The following FHIT variants were observed in gnomAD, a reference collection of about 807,000 sequenced individuals.
The protein encoded by FHIT is fragile histidine triad diadenosine triphosphatase, also known as bis(5'-adenosyl)-triphosphatase.
FHIT carries 19 observed loss-of-function variants against 17.9 expected under a neutral mutation model. The observed-to-expected ratio is 1.06, with a 90% CI of 0.74 to 1.56. The LOEUF (loss-of-function observed/expected upper bound fraction) is 1.56. Ranked by LOEUF, FHIT falls within the 40% of genes most tolerant of loss-of-function variation. The pLI is 0.00. For missense variants in FHIT, 248 were observed against 189.2 expected (o/e 1.31, Z -1.82); for synonymous variants, 81 against 69.7 (o/e 1.16, Z -0.81).
chr3:61,063,086 G>A (rs1219186596), intron 2 of FHIT, among the ~76,000 whole-genome samples: 1 of 151,614 alleles, frequency 6.6e-6, no homozygotes, highest in Non-Finnish European at 1.5e-5. Context: ...GGTGAAACCT[G>A]GTCTCTACTA....
chr3:60,944,051 T>A lies in FHIT; in HGVS notation c.-111+97996A>T, dbSNP rs374680458. Among the ~76,000 whole-genome samples the A allele has an allele frequency of 5.8e-4, 89 of 152,240 alleles. No individual in the cohort carries two copies. The East Asian group carries it at 0.01, about 18-fold the overall frequency. ...AGTCTCTCACCTGTTACCTTGACAA[T>A]TGAATTAGTATCTTTTCTCTCCCTG... On this transcript the variant is annotated intron_variant, in intron 3 of 9. Coordinates refer to ENST00000492590, the MANE Select transcript of FHIT (RefSeq NM_002012.4).
intron 4 of FHIT, among the ~76,000 whole-genome samples, chr3:60,642,749 T>C (rs1346079678): frequency 6.6e-6 from 1 of 152,046 alleles, no homozygotes; most frequent in East Asian, 1.9e-4. Context: ...TCCAGGGGTA[T>C]GTGGTCCTCT....
chr3:60,541,517 G>A (rs937826638), intron 4 of FHIT, among the ~76,000 whole-genome samples: 4 of 152,116 alleles, frequency 2.6e-5, no homozygotes, highest in Admixed American at 6.6e-5. Context: ...TGGTTCTAGG[G>A]ATGGGCAAGT....
chr3:60,153,626 A>G (rs954689953), intron 5 of FHIT, among the ~76,000 whole-genome samples: 1 of 152,204 alleles, frequency 6.6e-6, no homozygotes, highest in Non-Finnish European at 1.5e-5. Context: ...AGGGACACCA[A>G]TCCAGATAGA....
At chr3:61,015,928 C>A (rs1010018658) in intron 3 of FHIT, among the ~76,000 whole-genome samples, 1 of 152,154 alleles carries the variant, frequency 6.6e-6, no homozygotes, top group Non-Finnish European at 1.5e-5. Flanking sequence ...TCTTTTACTT[C>A]CTTTTTAAAA....
chr3:60,575,790 G>A (rs1027920295), intron 4 of FHIT, among the ~76,000 whole-genome samples: 2 of 152,120 alleles, frequency 1.3e-5, no homozygotes, highest in African/African-American at 4.8e-5. Context: ...GAAGAGTTGT[G>A]AATGAAAGTA....
At chr3:60,065,630 A>C (rs1702467547) in intron 5 of FHIT, among the ~76,000 whole-genome samples, 1 of 152,216 alleles carries the variant, frequency 6.6e-6, no homozygotes, top group Admixed American at 6.5e-5. Flanking sequence ...CTAATCAGTT[A>C]GAGGCAAGAT....
rs139061662 is a variant in FHIT, at chr3:59,946,155, C to T, written c.280-23741G>A. The stretch of plus-strand genomic sequence containing the variant: ...TAACAGTATTGATTCTTCCTATCCA[C>T]GAGCATGGAATGTTTCTCCATTTGT... On this transcript the variant is annotated intron_variant, in intron 7 of 9. Transcript: ENST00000492590. Among the ~76,000 whole-genome samples, 27 of 152,234 alleles carry T rather than the reference C, an allele frequency of 1.8e-4. 1 individual carries two copies. The East Asian group carries it at 4.4e-3, about 25-fold the overall frequency.
chr3:60,284,639 A>G (rs573542019), intron 5 of FHIT, among the ~76,000 whole-genome samples: 8 of 152,246 alleles, frequency 5.3e-5, no homozygotes, highest in African/African-American at 1.9e-4. Flanking sequence ...GTTTCTGAGT[A>G]ATCTGAAGAA....
At chr3:61,041,332 A>G (rs1410500725) in intron 3 of FHIT, among the ~76,000 whole-genome samples, 11 of 152,074 alleles carry the variant, frequency 7.2e-5, no homozygotes, top group East Asian at 1.9e-4. Flanking sequence ...AGCTGAGATC[A>G]CGCCACTGCA....
intron 1 of FHIT, among the ~76,000 whole-genome samples, chr3:61,210,364 T>A (rs1424750377): frequency 6.6e-6 from 1 of 152,206 alleles, no homozygotes; most frequent in Admixed American, 6.5e-5. Context: ...TCTGCAGAGG[T>A]TACTGCTGCC....
At chr3:60,136,650 C>T (rs1278155567) in intron 5 of FHIT, among the ~76,000 whole-genome samples, 1 of 109,868 alleles carries the variant, frequency 9.1e-6, no homozygotes, top group Non-Finnish European at 1.7e-5. Context: ...TGCTTCCTTA[C>T]CTTACCTTAC....
At chr3:60,375,663 G>A (rs558202586) in intron 5 of FHIT, among the ~76,000 whole-genome samples, 1 of 152,232 alleles carries the variant, frequency 6.6e-6, no homozygotes, top group East Asian at 1.9e-4. Context: ...ATTCTGTGAA[G>A]ACAACTGGTT....
At chr3:60,644,703 C>T (rs1268373253) in intron 4 of FHIT, among the ~76,000 whole-genome samples, 1 of 152,308 alleles carries the variant, frequency 6.6e-6, no homozygotes, top group South Asian at 2.1e-4. Context: ...ATGGGCAGTT[C>T]TAAAACAACT....
At chr3:60,946,922 G>A (rs1274644816) in intron 3 of FHIT, among the ~76,000 whole-genome samples, 1 of 152,214 alleles carries the variant, frequency 6.6e-6, no homozygotes, top group Non-Finnish European at 1.5e-5. Flanking sequence ...CTTAGCCCTT[G>A]AAACGAGGCC....
intron 3 of FHIT, among the ~76,000 whole-genome samples, chr3:61,028,937 T>A (rs1404933394): frequency 6.7e-6 from 1 of 150,180 alleles, no homozygotes; most frequent in Non-Finnish European, 1.5e-5. Context: ...AGGGGCCCAC[T>A]TAGTAGTCCT....
intron 5 of FHIT, among the ~76,000 whole-genome samples, chr3:60,442,388 G>A (rs1001496017): frequency 1.3e-5 from 2 of 152,058 alleles, no homozygotes; most frequent in African/African-American, 4.8e-5. Flanking sequence ...TTTTCTTCTA[G>A]GGTTTTTATG....
chr3:60,227,905 T>C (rs897687367), intron 5 of FHIT, among the ~76,000 whole-genome samples: 2 of 152,196 alleles, frequency 1.3e-5, no homozygotes, highest in Non-Finnish European at 2.9e-5. Flanking sequence ...ATGGATTTTA[T>C]CAAAAAGTGA....
chr3:60,734,512 C>T (rs1553712091), intron 4 of FHIT, among the ~76,000 whole-genome samples: 1 of 152,178 alleles, frequency 6.6e-6, no homozygotes. Context: ...AGAAGGTCCT[C>T]CCACCTCAGC....
Sources: gnomAD v4.1 joint callset for allele counts (sites outside exome capture counted in the v4.1 genomes callset) on GRCh38, gnomAD v4.1.1 for gene constraint, MANE v1.5 for transcripts, NCBI Gene and HGNC (gene_info 2026-07-23, HGNC 2026-07-21) for gene names.